The following ROBO1 variants were observed in gnomAD, a reference collection of about 807,000 sequenced individuals.
The protein encoded by ROBO1 is roundabout guidance receptor 1.
ROBO1 carries 149 observed loss-of-function variants against 195.9 expected under a neutral mutation model. That is an observed-to-expected ratio of 0.76 (90% confidence interval 0.67 to 0.87). ROBO1 has a LOEUF of 0.87. Among genes scored for constraint, ROBO1 ranks in the 40% least tolerant of loss-of-function variants. The pLI, the probability that ROBO1 is intolerant of heterozygous loss-of-function variation, is 0.00. For synonymous variants in ROBO1, 816 were observed against 733.2 expected (o/e 1.11, Z -1.82); for missense variants, 1,933 against 2,068.3 (o/e 0.93, Z 1.27).
rs954376849 is a variant in ROBO1, at chr3:78,616,176, C to T, written c.4283-1376G>A. 5.3e-5 allele frequency among the ~76,000 whole-genome samples: 8 copies of T among 152,078 alleles called. No homozygotes were observed. In the East Asian group the frequency reaches 1.3e-3, roughly 26 times the overall value. ...AATTTTCAATGTTATTTCTATGTTT[C>T]GTCCATTTAATAAACTGAAATATTT... On this transcript the variant is annotated intron_variant, in intron 27 of 30. Transcript: ENST00000464233.
intron 2 of ROBO1, among the ~76,000 whole-genome samples, chr3:79,193,759 G>C (rs1362191166): frequency 1.3e-5 from 2 of 151,254 alleles, no homozygotes; most frequent in Non-Finnish European, 3.0e-5. Flanking sequence ...ACAGAGACAG[G>C]AAAGAAGACA....
At chr3:79,209,125 C>G (rs1382710060) in intron 2 of ROBO1, among the ~76,000 whole-genome samples, 1 of 152,132 alleles carries the variant, frequency 6.6e-6, no homozygotes, top group Admixed American at 6.5e-5. Flanking sequence ...ACAGTGTACA[C>G]TGTACCCAAT....
chr3:79,018,852 G>A (rs1464011676), intron 3 of ROBO1: 2 of 933,590 alleles, frequency 2.1e-6, no homozygotes, highest in Non-Finnish European at 2.6e-6. Context: ...GAGGGCAGGC[G>A]CGGCGGCGGC....
intron 3 of ROBO1, among the ~76,000 whole-genome samples, chr3:78,964,065 T>C (rs1164748211): frequency 6.6e-6 from 1 of 152,106 alleles, no homozygotes; most frequent in African/African-American, 2.4e-5. Flanking sequence ...TCCCAGCTTC[T>C]AGTGGTTTCC....
At chr3:78,686,664 T>C (rs1420429846) in intron 9 of ROBO1, among the ~76,000 whole-genome samples, 5 of 152,228 alleles carry the variant, frequency 3.3e-5, no homozygotes, top group African/African-American at 9.6e-5. Context: ...GGATTATTAA[T>C]ATTAAGACCT....
intron 1 of ROBO1, among the ~76,000 whole-genome samples, chr3:79,700,187 G>T (rs1264723838): frequency 6.6e-6 from 1 of 151,792 alleles, no homozygotes; most frequent in Non-Finnish European, 1.5e-5. Context: ...TGGCTGCATA[G>T]TATTCCATAG....
intron 4 of ROBO1, among the ~76,000 whole-genome samples, chr3:78,781,042 A>G (rs2083661381): frequency 6.6e-6 from 1 of 152,168 alleles, no homozygotes; most frequent in Admixed American, 6.6e-5. Flanking sequence ...CTTGGTACAT[A>G]AACACTTGGA....
intron 2 of ROBO1, among the ~76,000 whole-genome samples, chr3:79,223,836 T>C (rs2082182527): frequency 6.6e-6 from 1 of 152,190 alleles, no homozygotes; most frequent in Admixed American, 6.6e-5. Context: ...CTTACGTAGA[T>C]GACTCTAAAA....
At chr3:79,488,107 A>G (rs1291766100) in intron 2 of ROBO1, among the ~76,000 whole-genome samples, 2 of 152,178 alleles carry the variant, frequency 1.3e-5, no homozygotes, top group Non-Finnish European at 2.9e-5. Flanking sequence ...TTTCTTTTTA[A>G]CTGAAAGAAA....
chr3:78,964,512 C>T (rs946775839), intron 3 of ROBO1, among the ~76,000 whole-genome samples: 1 of 152,074 alleles, frequency 6.6e-6, no homozygotes, highest in Non-Finnish European at 1.5e-5. Flanking sequence ...AAAAAAAAGG[C>T]TTTTTGTTCT....
At chr3:78,709,364 T>C (rs2081627220) in intron 8 of ROBO1, among the ~76,000 whole-genome samples, 1 of 152,204 alleles carries the variant, frequency 6.6e-6, no homozygotes, top group Non-Finnish European at 1.5e-5. Context: ...ATACCATGTA[T>C]ACCAATATGC....
intron 2 of ROBO1, among the ~76,000 whole-genome samples, chr3:79,319,534 T>C (rs1356645622): frequency 6.6e-6 from 1 of 152,154 alleles, no homozygotes; most frequent in Non-Finnish European, 1.5e-5. Context: ...GAGAAATAGA[T>C]ATAATTAATG....
In ROBO1 at chr3:79,499,029, T is replaced by C. The variant is rs1395085412; in HGVS notation, c.88+90795A>G. Among the ~76,000 whole-genome samples, 63 of 152,158 alleles carry C rather than the reference T, an allele frequency of 4.1e-4. 1 individual carries two copies. The highest frequency in any genetic ancestry group is 2.9e-5 in the Non-Finnish European group (2 of 68,026). ...TTGTGTATGTGATGGAATTTTGCTT[T>C]TGTCGCCCAGGCTGGAGTGCAATGG... is the stretch of plus-strand genomic sequence containing the variant. On this transcript the variant is annotated intron_variant, in intron 2 of 30. Coordinates refer to ENST00000464233, the MANE Select transcript of ROBO1 (RefSeq NM_002941.4).
At chr3:79,550,776 A>G (rs1942481624) in intron 2 of ROBO1, among the ~76,000 whole-genome samples, 1 of 152,192 alleles carries the variant, frequency 6.6e-6, no homozygotes, top group Non-Finnish European at 1.5e-5. Flanking sequence ...ATGGTATATG[A>G]ATAACTTCTA....
chr3:79,290,391 AG>A (rs1458549843), intron 2 of ROBO1, among the ~76,000 whole-genome samples: 4 of 152,070 alleles, frequency 2.6e-5, no homozygotes, highest in African/African-American at 9.7e-5. Context: ...GTAAGGACAC[AG>A]ATGTTTCAAA....
At chr3:79,495,780 T>A (rs536506623) in intron 2 of ROBO1, among the ~76,000 whole-genome samples, 26 of 152,346 alleles carry the variant, frequency 1.7e-4, no homozygotes, top group African/African-American at 6.3e-4. Flanking sequence ...TCTCAGTTTA[T>A]AAATCAATAT....
intron 2 of ROBO1, among the ~76,000 whole-genome samples, chr3:79,135,714 C>A (rs571410452): frequency 1.3e-5 from 2 of 151,848 alleles, no homozygotes; most frequent in Admixed American, 6.6e-5. Context: ...CTCAGCTCAC[C>A]GCAACTTTCG....
At chr3:79,640,365 C>A (rs529968110) in intron 1 of ROBO1, among the ~76,000 whole-genome samples, 1 of 152,216 alleles carries the variant, frequency 6.6e-6, no homozygotes, top group South Asian at 2.1e-4. Flanking sequence ...CATGCTTTGC[C>A]TTCTGCCATG....
chr3:79,005,893 G>A (rs1252295998), intron 3 of ROBO1, among the ~76,000 whole-genome samples: 1 of 151,894 alleles, frequency 6.6e-6, no homozygotes, highest in Admixed American at 6.6e-5. Flanking sequence ...AACAAATAAG[G>A]GAAACTAGAT....
Sources: gnomAD v4.1 joint callset for allele counts (sites outside exome capture counted in the v4.1 genomes callset) on GRCh38, gnomAD v4.1.1 for gene constraint, MANE v1.5 for transcripts, NCBI Gene and HGNC (gene_info 2026-07-23, HGNC 2026-07-21) for gene names.